CDH26: variants seen among roughly 807,000 people sequenced by gnomAD.
The protein encoded by CDH26 is cadherin 26, also known as cadherin-like protein 26.
CDH26 carries 83 observed loss-of-function variants against 90.3 expected under a neutral mutation model. The ratio of observed to expected loss-of-function variants is 0.92; its 90% CI spans 0.77 to 1.10. CDH26 has a LOEUF of 1.10. Among genes scored for constraint, CDH26 ranks in the 50% least tolerant of loss-of-function variants. CDH26 has a pLI of 0.00. For missense variants in CDH26, 1,013 were observed against 1,037.6 expected (o/e 0.98, Z 0.33); for synonymous variants, 397 against 396.3 (o/e 1.00, Z -0.02).
downstream of CDH26, among the ~76,000 whole-genome samples, chr20:60,034,561 G>A (rs188080419): frequency 6.2e-4 from 94 of 152,316 alleles, no homozygotes; most frequent in African/African-American, 2.2e-3. Flanking sequence ...GCACTTAGGA[G>A]ACTGCTTTCC....
chr20:59,959,691 C>T (rs765303732), intron 1 of CDH26, among the ~76,000 whole-genome samples: 6 of 152,162 alleles, frequency 3.9e-5, no homozygotes, highest in Admixed American at 2.0e-4. Flanking sequence ...TGAGACACTG[C>T]GCCCTGCCAA....
At chr20:60,024,375 C>T (rs1381325925) in intron 7 of CDH26, among the ~76,000 whole-genome samples, 1 of 152,228 alleles carries the variant, frequency 6.6e-6, no homozygotes, top group African/African-American at 2.4e-5. Flanking sequence ...TCTTCCTGCC[C>T]ACTGGGATTT....
intron 10 of CDH26, 169 bp from the exon 11 acceptor site, chr20:59,994,081 T>C (rs2061560709): frequency 2.5e-6 from 2 of 800,132 alleles, no homozygotes; most frequent in Non-Finnish European, 3.8e-6. Context: ...TGAATGCTCA[T>C]AAAAGCAGGA....
chr20:59,999,545 G>T, intron 13 of CDH26, 41 bp from the exon 14 acceptor site: 1 of 1,521,750 alleles, frequency 6.6e-7, no homozygotes, highest in Non-Finnish European at 9.1e-7. Flanking sequence ...TGCTATCTGT[G>T]ATTTCAGCCC....
At chr20:59,967,602 C>G (rs1445261273) in intron 1 of CDH26, among the ~76,000 whole-genome samples, 1 of 152,110 alleles carries the variant, frequency 6.6e-6, no homozygotes, top group Non-Finnish European at 1.5e-5. Flanking sequence ...GTTGTTTATA[C>G]TTTTTGCCCC....
chr20:59,963,310 G>C lies in CDH26; in HGVS notation c.69+4515G>C, dbSNP rs112155463. On this transcript the variant is annotated intron_variant, in intron 1 of 17. Transcript: ENST00000348616. ...CTGCTGCCCAGGCTGGAGTGCAGTG[G>C]TATGATCTCAACTCACTGCAACCTC... 3.9e-3 allele frequency among the ~76,000 whole-genome samples: 582 copies of C among 147,946 alleles called. 3 individuals carry two copies. Among genetic ancestry groups the C allele is most frequent in the African/African-American group, 0.014 (552 of 40,100 alleles).
At chr20:60,011,048 AG>A (rs1447297791) in intron 17 of CDH26, among the ~76,000 whole-genome samples, 2 of 152,254 alleles carry the variant, frequency 1.3e-5, no homozygotes, top group Non-Finnish European at 2.9e-5. Context: ...GGTGACCAGA[AG>A]AACAAGAAAT....
At chr20:59,990,957 C>T (rs1015476764) in intron 9 of CDH26, among the ~76,000 whole-genome samples, 1 of 152,002 alleles carries the variant, frequency 6.6e-6, no homozygotes, top group Non-Finnish European at 1.5e-5. Flanking sequence ...GCAACCTCCA[C>T]CTCCCAGGTT....
chr20:59,996,713 C>T lies in CDH26; in HGVS notation c.1971C>T (p.His657=), dbSNP rs746315875. 1 of 1,614,212 alleles carries T rather than the reference C, an allele frequency of 6.2e-7. No homozygotes were observed. The highest frequency in any genetic ancestry group is 8.5e-7 in the Non-Finnish European group (1 of 1,180,040). The change falls in exon 13 of 18, where the codon CAC becomes CAT. Residue 657 remains histidine (H), a synonymous_variant. Transcript: ENST00000348616. ...GCTCTGTATCCAATGATGAAGGCCA[C>T]CAAACACTGGTCATGTATAATGCGG... ...HGCSVSNDEG[H]QTLVMYNAES...
chr20:60,000,332 A>G (rs2146004348), intron 14 of CDH26, among the ~76,000 whole-genome samples: 1 of 152,338 alleles, frequency 6.6e-6, no homozygotes, highest in East Asian at 1.9e-4. Context: ...CCATTCTATA[A>G]CTAGTAGGTG....
intron 1 of CDH26, among the ~76,000 whole-genome samples, chr20:59,968,081 T>G (rs1340019393): frequency 7.2e-6 from 1 of 139,612 alleles, no homozygotes; most frequent in Non-Finnish European, 1.5e-5. Context: ...CTCCCTCTCT[T>G]TCTTTCTTTC....
intron 14 of CDH26, among the ~76,000 whole-genome samples, chr20:60,000,587 T>C (rs1435385529): frequency 6.6e-6 from 1 of 152,240 alleles, no homozygotes; most frequent in African/African-American, 2.4e-5. Context: ...GGGCACACTA[T>C]GCACTTTGCA....
At chr20:59,978,985 T>C (rs921866691) in intron 4 of CDH26, among the ~76,000 whole-genome samples, 1 of 152,138 alleles carries the variant, frequency 6.6e-6, no homozygotes, top group Non-Finnish European at 1.5e-5. Context: ...TCTTGATGTA[T>C]AGTTCTAAGA....
chr20:59,966,814 T>C (rs1169710975), intron 1 of CDH26, among the ~76,000 whole-genome samples: 1 of 152,206 alleles, frequency 6.6e-6, no homozygotes, highest in Non-Finnish European at 1.5e-5. Context: ...TACCATAGCA[T>C]TTTTGGTAAT....
chr20:59,983,252 C>T (rs935253516), intron 5 of CDH26, among the ~76,000 whole-genome samples, 182 bp downstream of exon 5: 4 of 152,016 alleles, frequency 2.6e-5, no homozygotes, highest in East Asian at 3.8e-4. Flanking sequence ...CATTTTGTAT[C>T]GGCAATAAAA....
At chr20:60,011,974 A>G (rs2146022762) in intron 17 of CDH26, among the ~76,000 whole-genome samples, 1 of 152,172 alleles carries the variant, frequency 6.6e-6, no homozygotes, top group East Asian at 1.9e-4. Context: ...GAATGGGGAG[A>G]CTGGAGGGCA....
chr20:60,031,521 A>C, intron 8 of CDH26: 1 of 1,030,086 alleles, frequency 9.7e-7, no homozygotes, highest in Non-Finnish European at 1.2e-6. Flanking sequence ...TTGAGAATTA[A>C]ATCAATTGAA....
rs1816264935 is a variant in CDH26, at chr20:60,013,045, A to G, written c.*315A>G. ...GAGGGTAAATGAAAATATAACCCAT[A>G]GATTACCCAGCCACTTGGGAACAGC... On this transcript the variant is annotated 3_prime_UTR_variant, in exon 18 of 18. Coordinates refer to ENST00000348616, the MANE Select transcript of CDH26 (RefSeq NM_177980.4). 1 of 214,830 alleles carries G rather than the reference A, an allele frequency of 4.7e-6. No individual in the cohort carries two copies. Among genetic ancestry groups the G allele is most frequent in the Non-Finnish European group, 9.2e-6 (1 of 108,308 alleles). 13.3% of individuals were successfully genotyped at this position (214,830 alleles called of 1,614,324 possible). A position where few individuals can be genotyped will look rare whatever the true frequency, so the allele number is the denominator to read the frequency against.
At chr20:59,970,523 A>C (rs2145974238) in intron 3 of CDH26, among the ~76,000 whole-genome samples, 1 of 150,440 alleles carries the variant, frequency 6.6e-6, no homozygotes, top group Admixed American at 6.6e-5. Flanking sequence ...AAACAGGGAG[A>C]TTGTCGGCCA....
Sources: gnomAD v4.1 joint callset for allele counts (sites outside exome capture counted in the v4.1 genomes callset) on GRCh38, gnomAD v4.1.1 for gene constraint, MANE v1.5 for transcripts, NCBI Gene and HGNC (gene_info 2026-07-23, HGNC 2026-07-21) for gene names.